CELF2: variants seen among roughly 807,000 people sequenced by gnomAD.
CELF2 encodes the protein CUGBP Elav-like family member 2.
A neutral mutation model predicts 62.6 loss-of-function variants in CELF2; 8 were observed. The observed-to-expected ratio is 0.13, with a 90% CI of 0.07 to 0.23. CELF2 has a LOEUF of 0.23. Ranked by LOEUF, CELF2 falls within the 10% of genes least tolerant of loss-of-function variation. The pLI, the probability that CELF2 is intolerant of heterozygous loss-of-function variation, is 1.00. For missense variants in CELF2, 333 were observed against 671.0 expected (o/e 0.50, Z 5.56); for synonymous variants, 258 against 250.0 (o/e 1.03, Z -0.30).
Position 11,197,036 on chromosome 10 carries a change from A to G in CELF2, c.272-20389A>G, listed in dbSNP as rs76163786. ...AGAAAGAAAGAAAGAAAAGAAAGAAAGAAAGAAAGAAAGAAAGAAAGAAAA... is the reference window on the plus strand; with the variant it reads ...AGAAAGAAAGAAAGAAAAGAAAGAAGGAAAGAAAGAAAGAAAGAAAGAAAA... On this transcript the variant is annotated intron_variant, in intron 2 of 12. Coordinates refer to ENST00000633077, the MANE Select transcript of CELF2 (RefSeq NM_001326342.2). 4.4e-3 allele frequency among the ~76,000 whole-genome samples: 108 copies of G among 24,430 alleles called. 17 individuals are homozygous for G. The highest frequency in any genetic ancestry group is 0.031 in the African/African-American group (92 of 2,996). 16.0% of individuals were successfully genotyped at this position (24,430 alleles called of 152,430 possible). A position where few individuals can be genotyped will look rare whatever the true frequency, so the allele number is the denominator to read the frequency against.
intron 9 of CELF2, among the ~76,000 whole-genome samples, chr10:11,304,741 A>G (rs1299346712): frequency 2.0e-5 from 3 of 152,228 alleles, no homozygotes; most frequent in African/African-American, 7.2e-5. Flanking sequence ...GCCCTGCCAC[A>G]TTGGGGATAA....
chr10:11,205,601 G>A (rs1054699368), intron 2 of CELF2, among the ~76,000 whole-genome samples: 2 of 152,182 alleles, frequency 1.3e-5, no homozygotes, highest in African/African-American at 4.8e-5. Context: ...TGCTAATCAG[G>A]AATGACTGTA....
the CELF2 span, among the ~76,000 whole-genome samples, chr10:10,487,471 A>T: frequency 0.2 from 30,328 of 152,086 alleles, 3,164 homozygotes; most frequent in East Asian, 0.29. Context: ...TTTTAAATCA[A>T]ACACACTACA....
chr10:11,162,172 T>C lies in CELF2; in HGVS notation c.75-3314T>C, dbSNP rs1260786095. 2.6e-5 allele frequency among the ~76,000 whole-genome samples: 4 copies of C among 151,450 alleles called. No homozygotes were observed. The East Asian group carries it at 7.8e-4, about 29-fold the overall frequency. On this transcript the variant is annotated intron_variant, in intron 1 of 12. Transcript: ENST00000633077. ...ATTTCAGCAGTGCCAGGAGAGAGGT[T>C]GGTGGGACCGGACCACCTATTGAGG...
At chr10:10,498,907 G>A in the CELF2 span, among the ~76,000 whole-genome samples, 1 of 152,226 alleles carries the variant, frequency 6.6e-6, no homozygotes, top group Admixed American at 6.5e-5. Context: ...AGAAAGGGGA[G>A]GACAAGCACA....
chr10:10,638,209 G>A, the CELF2 span, among the ~76,000 whole-genome samples: 1 of 152,088 alleles, frequency 6.6e-6, no homozygotes, highest in African/African-American at 2.4e-5. Context: ...CTTACTAAAG[G>A]GCATGTGTTT....
At chr10:11,049,979 C>T (rs71491561) in intron 1 of CELF2, among the ~76,000 whole-genome samples, 2,160 of 152,332 alleles carry the variant, frequency 0.014, 46 homozygotes, top group African/African-American at 0.049. Context: ...CCCATGCCAC[C>T]TGCTGGTTCC....
At chr10:10,752,802 TAAAAAAA>T in the CELF2 span, among the ~76,000 whole-genome samples, 2 of 116,532 alleles carry the variant, frequency 1.7e-5, no homozygotes, top group African/African-American at 6.6e-5. Flanking sequence ...ATACCGGTAG[TAAAAAAA>T]AAAAAAAAAA....
At chr10:11,043,201 G>C (rs1291870) in intron 1 of CELF2, among the ~76,000 whole-genome samples, 51,410 of 151,970 alleles carry the variant, frequency 0.34, 10,215 homozygotes, top group East Asian at 0.66. Context: ...GATCAGTTAA[G>C]TTTGCTTTTG....
the CELF2 span, among the ~76,000 whole-genome samples, chr10:10,488,157 A>G: frequency 6.6e-6 from 1 of 152,172 alleles, no homozygotes; most frequent in East Asian, 1.9e-4. Flanking sequence ...TTTATTTTGA[A>G]GTATTAGTTA....
chr10:11,208,469 A>C (rs1269422584), intron 2 of CELF2, among the ~76,000 whole-genome samples: 1 of 152,162 alleles, frequency 6.6e-6, no homozygotes, highest in Non-Finnish European at 1.5e-5. Flanking sequence ...TGATTGGACA[A>C]AAAGGACATG....
chr10:10,906,696 CTTTCTT>C (rs1276803320), intron 1 of CELF2, among the ~76,000 whole-genome samples: 3 of 146,430 alleles, frequency 2.0e-5, no homozygotes, highest in East Asian at 2.0e-4. Flanking sequence ...CAGAACATAC[CTTTCTT>C]TTTCTTTTTC....
At chr10:10,569,610 T>A in the CELF2 span, among the ~76,000 whole-genome samples, 12 of 152,152 alleles carry the variant, frequency 7.9e-5, no homozygotes, top group African/African-American at 2.9e-4. Context: ...TCAGTTGGGT[T>A]GTGCAGAAGA....
rs892647243 is a variant in CELF2, at chr10:11,191,147, G to A, written c.271+25465G>A. Among the ~76,000 whole-genome samples, 4 of 152,208 alleles carry A rather than the reference G, an allele frequency of 2.6e-5. No homozygotes were observed. Among genetic ancestry groups the A allele is most frequent in the Non-Finnish European group, 5.9e-5 (4 of 68,034 alleles). Reference sequence around the variant, plus strand: ...TTCTTGTCTGTAAATGGGGCCTGATGTATTGAAAGGCACCTGGCTCAGTGC... The same window carrying A: ...TTCTTGTCTGTAAATGGGGCCTGATATATTGAAAGGCACCTGGCTCAGTGC... On this transcript the variant is annotated intron_variant, in intron 2 of 12. Coordinates refer to ENST00000633077, the MANE Select transcript of CELF2 (RefSeq NM_001326342.2). This position sits in a 1 kb window ranked among gnomAD's most constrained non-coding sequence, Gnocchi z 4.1.
intron 1 of CELF2, among the ~76,000 whole-genome samples, chr10:11,064,117 T>C (rs997076557): frequency 2.6e-5 from 4 of 152,198 alleles, no homozygotes; most frequent in African/African-American, 9.7e-5. Flanking sequence ...GAGTTTATGC[T>C]TGTTGTTTCG....
chr10:10,999,685 T>C (rs568407284), intron 2 of CELF2, among the ~76,000 whole-genome samples: 8 of 152,244 alleles, frequency 5.3e-5, no homozygotes, highest in Non-Finnish European at 1.2e-4. Context: ...TGGGTCTCTC[T>C]TGCATTTCCG....
At chr10:10,970,953 T>A (rs1023341903) in intron 2 of CELF2, 5 of 152,166 alleles carry the variant, frequency 3.3e-5, no homozygotes, top group Non-Finnish European at 7.4e-5. Context: ...CATAGTCAAT[T>A]AGACATCCTA....
intron 3 of CELF2, among the ~76,000 whole-genome samples, chr10:11,232,774 C>T (rs1032628699): frequency 6.6e-6 from 1 of 152,106 alleles, no homozygotes; most frequent in Non-Finnish European, 1.5e-5. Flanking sequence ...TAGGAGATAG[C>T]CCACATTCAT....
At chr10:10,630,358 T>C in the CELF2 span, among the ~76,000 whole-genome samples, 1 of 152,210 alleles carries the variant, frequency 6.6e-6, no homozygotes, top group East Asian at 1.9e-4. Context: ...TTGGGGGTTG[T>C]GCTAAGTCTT....
Sources: allele counts gnomAD v4.1 joint callset (sites outside exome capture counted in the v4.1 genomes callset), GRCh38; gene constraint gnomAD v4.1.1; non-coding constraint Gnocchi (gnomAD v3.1); transcripts MANE v1.5; gene names NCBI Gene and HGNC (gene_info 2026-07-23, HGNC 2026-07-21).